Variants in SEMA5B observed in about 807,000 individuals in gnomAD.
SEMA5B encodes semaphorin-5B.
A neutral mutation model predicts 135.0 loss-of-function variants in SEMA5B; 66 were observed. The observed-to-expected ratio is 0.49, with a 90% CI of 0.40 to 0.60. The LOEUF (loss-of-function observed/expected upper bound fraction) is 0.60, where lower values mean the gene tolerates loss of function less well. Among genes scored for constraint, SEMA5B ranks in the 20% least tolerant of loss-of-function variants. The pLI is 0.00. For synonymous variants in SEMA5B, 690 were observed against 639.5 expected (o/e 1.08, Z -1.19); for missense variants, 1,501 against 1,566.3 (o/e 0.96, Z 0.70).
chr3:122,925,985 AG>A lies in SEMA5B; in HGVS notation c.1136+406del, dbSNP rs1371915589. Among the ~76,000 whole-genome samples, 5 of 152,310 alleles carry A rather than the reference AG, an allele frequency of 3.3e-5. No homozygotes were observed. In the East Asian group the frequency reaches 9.7e-4, roughly 29 times the overall value. On this transcript the variant is annotated intron_variant, in intron 9 of 22. Transcript: ENST00000357599. Reference sequence around the variant, plus strand: ...GATGGGAGGTGATGGCAGGGTTACCAGAAGACTGCTGGTTAGATTGAGCAGA... The same window carrying A: ...GATGGGAGGTGATGGCAGGGTTACCAAAGACTGCTGGTTAGATTGAGCAGA...
intron 1 of SEMA5B, among the ~76,000 whole-genome samples, chr3:122,990,837 A>C (rs894678051): frequency 3.3e-5 from 5 of 152,178 alleles, no homozygotes; most frequent in Admixed American, 6.5e-5. Flanking sequence ...AGAATCCTCT[A>C]GATTGATTTA....
chr3:122,924,561 A>G lies in SEMA5B; in HGVS notation c.1137-809T>C, dbSNP rs1173794783. Among the ~76,000 whole-genome samples the G allele has an allele frequency of 4.6e-5, 7 of 152,284 alleles. No homozygotes were observed. The South Asian group carries it at 1.0e-3, about 23-fold the overall frequency. ...TCGCTGGACTGCTTCAAACCTGTCA[A>G]TAATTTCTCCTTGCTCTTACAATAA... On this transcript the variant is annotated intron_variant, in intron 9 of 22. Coordinates refer to ENST00000357599, the MANE Select transcript of SEMA5B (RefSeq NM_001031702.4).
chr3:122,922,485 C>T, intron 10 of SEMA5B, 38 bp from the exon 11 acceptor site: 3 of 1,541,366 alleles, frequency 1.9e-6, no homozygotes, highest in Non-Finnish European at 2.6e-6. Context: ...CCCCGGCCAC[C>T]AGGGCTGCCG....
chr3:122,986,536 C>T (rs1241884500), intron 1 of SEMA5B, among the ~76,000 whole-genome samples: 2 of 152,170 alleles, frequency 1.3e-5, no homozygotes, highest in Non-Finnish European at 2.9e-5. Flanking sequence ...TGTTGCTCCT[C>T]ATAAGGCAAG....
At chr3:122,948,774 C>T (rs1455665859) in intron 2 of SEMA5B, 65 bp from the exon 3 acceptor site, 6 of 1,333,504 alleles carry the variant, frequency 4.5e-6, no homozygotes, top group Non-Finnish European at 6.2e-6. Context: ...CCTCAATTTC[C>T]TTGTGGTTAC....
At chr3:122,947,746 C>T (rs1035011089) in intron 3 of SEMA5B, among the ~76,000 whole-genome samples, 1 of 152,136 alleles carries the variant, frequency 6.6e-6, no homozygotes, top group Non-Finnish European at 1.5e-5. Context: ...AACTTAAGAA[C>T]CTAGGAACCC....
intron 1 of SEMA5B, among the ~76,000 whole-genome samples, chr3:122,999,815 G>A (rs1942126826): frequency 6.6e-6 from 1 of 152,180 alleles, no homozygotes; most frequent in Admixed American, 6.5e-5. Flanking sequence ...AATCTACACA[G>A]GCTAAAACAG....
At chr3:122,983,926 G>C (rs1314058057) in intron 1 of SEMA5B, among the ~76,000 whole-genome samples, 3 of 152,060 alleles carry the variant, frequency 2.0e-5, no homozygotes, top group African/African-American at 4.8e-5. Flanking sequence ...GTAAGGGACA[G>C]GGTAAGGGGT....
chr3:123,016,890 A>ATT (rs59106085), intron 1 of SEMA5B, among the ~76,000 whole-genome samples: 42 of 108,724 alleles, frequency 3.9e-4, no homozygotes, highest in Non-Finnish European at 5.3e-4. Context: ...CCTCAGGTGC[A>ATT]TTTTTTTTTT....
chr3:123,006,254 A>C (rs1942307290), intron 1 of SEMA5B, among the ~76,000 whole-genome samples: 1 of 152,230 alleles, frequency 6.6e-6, no homozygotes, highest in Non-Finnish European at 1.5e-5. Flanking sequence ...TGAGGGGACG[A>C]CAGAGCAGGA....
chr3:122,999,476 C>T (rs1468848891), intron 1 of SEMA5B, among the ~76,000 whole-genome samples: 1 of 152,136 alleles, frequency 6.6e-6, no homozygotes, highest in Non-Finnish European at 1.5e-5. Context: ...CCACCCACCT[C>T]GGCCTCCCAA....
chr3:122,928,660 C>T (rs913056866), intron 6 of SEMA5B, 45 bp from the exon 7 acceptor site: 54 of 1,376,664 alleles, frequency 3.9e-5, no homozygotes, highest in Admixed American at 2.4e-4. Context: ...TCTCCAGGTG[C>T]GATGCTGGAT....
Position 122,948,509 on chromosome 3 carries a change from C to A in SEMA5B, c.325G>T (p.Glu109Ter). The A allele has an allele frequency of 6.3e-7, 1 of 1,598,558 alleles. No homozygotes were observed. ...CCAAGTAGGAAGCAACTCTTACCTT[C>A]AAAGGCCACGGTGGGGTGCTTGCTA... ...ALSKHPTVAF[E>*]DLQPWVSNFT... The change falls in exon 3 of 23, where the codon GAA (glutamate) becomes TAA (stop). Residue 109 changes from glutamate to a stop codon, truncating the protein, a stop_gained. Coordinates refer to ENST00000357599, the MANE Select transcript of SEMA5B (RefSeq NM_001031702.4). LOFTEE classifies it high-confidence loss of function.
rs1392166396 is a variant in SEMA5B, at chr3:122,915,914, T to C, written c.1689-24A>G. 3 of 1,591,946 alleles carry C rather than the reference T, an allele frequency of 1.9e-6. No individual in the cohort carries two copies. The Admixed American group carries it at 5.0e-5, about 27-fold the overall frequency. On this transcript the variant is annotated intron_variant, in intron 12 of 22. Transcript: ENST00000357599. ...CCCTGCCAGACAGACGTCCTGAGAT[T>C]CAAGCCCACTGGCTTCCCAGCCTCA...
intron 5 of SEMA5B, among the ~76,000 whole-genome samples, chr3:122,930,768 C>G (rs542242683): frequency 5.9e-5 from 9 of 152,226 alleles, no homozygotes; most frequent in Non-Finnish European, 1.3e-4. Context: ...TCACAGAAAA[C>G]AGTGAAACAC....
At chr3:122,956,480 C>T (rs62263260) in intron 2 of SEMA5B, among the ~76,000 whole-genome samples, 14,920 of 152,174 alleles carry the variant, frequency 0.098, 942 homozygotes, top group East Asian at 0.26. Flanking sequence ...AGTGAAGGAG[C>T]GCAGAGAAGT....
At chr3:122,985,247 C>A (rs112590681) in intron 1 of SEMA5B, among the ~76,000 whole-genome samples, 4 of 152,172 alleles carry the variant, frequency 2.6e-5, no homozygotes, top group African/African-American at 7.2e-5. Flanking sequence ...AATCCCAGCA[C>A]TTTGAGAGGC....
At chr3:122,932,266 TTTTTG>T (rs1939014883) in intron 5 of SEMA5B, among the ~76,000 whole-genome samples, 2 of 127,580 alleles carry the variant, frequency 1.6e-5, no homozygotes, top group African/African-American at 5.9e-5. Context: ...TTTTTTTTTT[TTTTTG>T]GAGAGAAGGT....
chr3:123,011,356 T>G (rs1221217943), intron 1 of SEMA5B, among the ~76,000 whole-genome samples: 1 of 152,230 alleles, frequency 6.6e-6, no homozygotes, highest in Non-Finnish European at 1.5e-5. Flanking sequence ...CCATTCAGCC[T>G]CTGTGTCACA....
Sources: allele counts gnomAD v4.1 joint callset (sites outside exome capture counted in the v4.1 genomes callset), GRCh38; gene constraint gnomAD v4.1.1; transcripts MANE v1.5; gene names NCBI Gene and HGNC (gene_info 2026-07-23, HGNC 2026-07-21).